Variants in KCNH7 observed in about 807,000 individuals in gnomAD.
KCNH7 encodes potassium voltage-gated channel subfamily H member 7.
KCNH7 carries 49 observed loss-of-function variants against 120.8 expected under a neutral mutation model. That is an observed-to-expected ratio of 0.41 (90% CI 0.32 to 0.51). The LOEUF (loss-of-function observed/expected upper bound fraction) is 0.51, where lower values mean the gene tolerates loss of function less well. Ranked by LOEUF, KCNH7 falls within the 20% of genes least tolerant of loss-of-function variation. The pLI is 0.38. For missense variants in KCNH7, 1,097 were observed against 1,446.6 expected (o/e 0.76, Z 3.92); for synonymous variants, 547 against 516.1 (o/e 1.06, Z -0.81).
intron 2 of KCNH7, among the ~76,000 whole-genome samples, chr2:162,611,263 A>T (rs1559043460): frequency 6.6e-6 from 1 of 152,164 alleles, no homozygotes; most frequent in Non-Finnish European, 1.5e-5. Flanking sequence ...AAAAGAAACA[A>T]GATCTTGAAT....
At chr2:162,694,029 G>A (rs1686203956) in intron 2 of KCNH7, among the ~76,000 whole-genome samples, 1 of 152,122 alleles carries the variant, frequency 6.6e-6, no homozygotes, top group Admixed American at 6.6e-5. Context: ...AAGTCCCTTA[G>A]AGAAAGGTAT....
chr2:162,633,888 T>C (rs1051398276), intron 2 of KCNH7, among the ~76,000 whole-genome samples: 4 of 152,080 alleles, frequency 2.6e-5, no homozygotes, highest in African/African-American at 4.8e-5. Flanking sequence ...CTCTCCAGCA[T>C]TGAATTTTTT....
chr2:162,833,031 C>CA (rs60917437), intron 2 of KCNH7, among the ~76,000 whole-genome samples: 91,158 of 151,824 alleles, frequency 0.6, 28,360 homozygotes, highest in South Asian at 0.84. Context: ...AGCATAATGG[C>CA]AAAATACAGG....
chr2:162,636,701 C>T (rs570229166), intron 2 of KCNH7, among the ~76,000 whole-genome samples: 1 of 152,018 alleles, frequency 6.6e-6, no homozygotes, highest in African/African-American at 2.4e-5. Context: ...CAAATGGAAG[C>T]AATATATTTC....
In KCNH7 at chr2:162,384,705, C is replaced by A. The variant is rs1686523933; in HGVS notation, c.2945G>T (p.Arg982Ile). ...PTSGRMHIDK[R>I]SHSCKDITDM... The stretch of plus-strand genomic sequence containing the variant: ...TGGATTACCTTTGCAAGAGTGACTT[C>A]TTTTATCTATGTGCATTCTTCCTGA... The change falls in exon 13 of 16, where the codon AGA becomes ATA. Residue 982 changes from arginine to isoleucine, a missense_variant. Physicochemically the swap from Arg to Ile is moderately conservative, Grantham distance 97. Coordinates refer to ENST00000332142, the MANE Select transcript of KCNH7 (RefSeq NM_033272.4). 1 of 1,612,430 alleles carries A rather than the reference C, an allele frequency of 6.2e-7. No homozygotes were observed. The highest frequency in any genetic ancestry group is 8.5e-7 in the Non-Finnish European group (1 of 1,178,872).
At chr2:162,632,755 G>A (rs574163834) in intron 2 of KCNH7, among the ~76,000 whole-genome samples, 2 of 151,832 alleles carry the variant, frequency 1.3e-5, no homozygotes, top group African/African-American at 2.4e-5. Flanking sequence ...CTATTAAATG[G>A]TCTTGTGACA....
intron 2 of KCNH7, among the ~76,000 whole-genome samples, chr2:162,714,506 G>A (rs1687040912): frequency 6.6e-6 from 1 of 152,306 alleles, no homozygotes; most frequent in Admixed American, 6.5e-5. Flanking sequence ...AATATTCACT[G>A]AAGGATCTTA....
chr2:162,473,934 G>A (rs1689649953), intron 6 of KCNH7, among the ~76,000 whole-genome samples: 1 of 152,168 alleles, frequency 6.6e-6, no homozygotes, highest in Non-Finnish European at 1.5e-5. Context: ...AGACAGCTTT[G>A]TAAGAGGTCA....
In KCNH7 at chr2:162,552,363, C is replaced by T. The variant is rs182514119; in HGVS notation, c.308-15283G>A. ...GAAGGCTTTAAATATTGAGTGACAG[C>T]TCAATTGGATAGAGTTTTACAAAGA... On this transcript the variant is annotated intron_variant, in intron 2 of 15. Coordinates refer to ENST00000332142, the MANE Select transcript of KCNH7 (RefSeq NM_033272.4). Among the ~76,000 whole-genome samples, 508 of 152,158 alleles carry T rather than the reference C, an allele frequency of 3.3e-3. 3 individuals carry two copies. The highest frequency in any genetic ancestry group is 0.012 in the African/African-American group (487 of 41,498).
intron 2 of KCNH7, among the ~76,000 whole-genome samples, chr2:162,748,952 TTCC>T (rs1177457157): frequency 7.8e-6 from 1 of 127,574 alleles, no homozygotes; most frequent in East Asian, 2.8e-4. Flanking sequence ...CCTTCCTTCC[TTCC>T]TTCCTTCCTT....
chr2:162,726,859 T>C (rs563089566), intron 2 of KCNH7, among the ~76,000 whole-genome samples: 1 of 152,272 alleles, frequency 6.6e-6, no homozygotes, highest in South Asian at 2.1e-4. Context: ...GGCTCTATGT[T>C]CATTTGCCAC....
intron 8 of KCNH7, among the ~76,000 whole-genome samples, chr2:162,424,251 G>T (rs952581035): frequency 5.9e-5 from 9 of 152,048 alleles, no homozygotes; most frequent in African/African-American, 1.7e-4. Flanking sequence ...TCATCTATGG[G>T]AAGAAACCGC....
In KCNH7 at chr2:162,647,206, G is replaced by T. The variant is rs138269241; in HGVS notation, c.308-110126C>A. Among the ~76,000 whole-genome samples the T allele has an allele frequency of 5.8e-4, 88 of 152,290 alleles. No homozygotes were observed. In the East Asian group the frequency reaches 0.016, roughly 27 times the overall value. On this transcript the variant is annotated intron_variant, in intron 2 of 15. Coordinates refer to ENST00000332142, the MANE Select transcript of KCNH7 (RefSeq NM_033272.4). ...TAGTTCATAGCCCAAACTGCTAAGA[G>T]ATTTACAGTTGCCCAGGGTTGCCGC...
intron 2 of KCNH7, among the ~76,000 whole-genome samples, chr2:162,758,049 AC>A (rs1423496120): frequency 6.6e-6 from 1 of 152,198 alleles, no homozygotes; most frequent in African/African-American, 2.4e-5. Flanking sequence ...AACACTGGTT[AC>A]CGGGAGAAAA....
intron 6 of KCNH7, 52 bp downstream of exon 6, chr2:162,504,391 G>T (rs1690792700): frequency 7.6e-7 from 1 of 1,322,762 alleles, no homozygotes; most frequent in Non-Finnish European, 1.1e-6. Flanking sequence ...GTTTCATGGT[G>T]CAGAAACAAA....
intron 8 of KCNH7, among the ~76,000 whole-genome samples, chr2:162,432,440 C>A (rs956950745): frequency 6.6e-6 from 1 of 151,910 alleles, no homozygotes; most frequent in African/African-American, 2.4e-5. Context: ...ATAAAGTAGA[C>A]AATAAACTTG....
At chr2:162,624,747 T>C (rs1219464549) in intron 2 of KCNH7, among the ~76,000 whole-genome samples, 1 of 152,116 alleles carries the variant, frequency 6.6e-6, no homozygotes, top group Non-Finnish European at 1.5e-5. Flanking sequence ...GATAGCCCAG[T>C]TATCTCCTTT....
intron 6 of KCNH7, among the ~76,000 whole-genome samples, chr2:162,501,329 A>G (rs1455868918): frequency 6.6e-6 from 1 of 152,082 alleles, no homozygotes; most frequent in Non-Finnish European, 1.5e-5. Context: ...AATATGATCA[A>G]ATTCTGATCT....
chr2:162,614,041 A>G (rs1026152268), intron 2 of KCNH7, among the ~76,000 whole-genome samples: 2 of 152,038 alleles, frequency 1.3e-5, no homozygotes, highest in African/African-American at 2.4e-5. Flanking sequence ...TGGGAGTCTA[A>G]GTCAACACAA....
Sources: allele counts gnomAD v4.1 joint callset (sites outside exome capture counted in the v4.1 genomes callset), GRCh38; gene constraint gnomAD v4.1.1; transcripts MANE v1.5; gene names NCBI Gene and HGNC (gene_info 2026-07-23, HGNC 2026-07-21).